TMEM72: variants seen among roughly 807,000 people sequenced by gnomAD.
TMEM72 encodes the protein transmembrane protein 72.
Under a neutral mutation model 16.3 loss-of-function variants are expected in TMEM72, and 9 were observed. The ratio of observed to expected loss-of-function variants is 0.55; its 90% CI spans 0.33 to 0.96. TMEM72 has a LOEUF of 0.96. Ranked by LOEUF, TMEM72 falls within the 40% of genes least tolerant of loss-of-function variation. The pLI is 0.03. For synonymous variants in TMEM72, 160 were observed against 146.5 expected, an observed-to-expected ratio of 1.09 and a Z score of -0.66; for missense variants, 324 against 337.8, an observed-to-expected ratio of 0.96 and a Z score of 0.32.
chr10:44,911,635 G>A (rs954830642), intron 1 of TMEM72, 53 bp downstream of exon 1: 12 of 1,535,464 alleles, frequency 7.8e-6, no homozygotes, highest in Middle Eastern at 1.7e-4. Flanking sequence ...CCACAGATAG[G>A]GCTGCCTGAG....
chr10:44,915,717 G>C (rs10793566), intron 1 of TMEM72, among the ~76,000 whole-genome samples: 110,367 of 151,976 alleles, frequency 0.73, 40,877 homozygotes, highest in African/African-American at 0.83. Flanking sequence ...CACACGTACA[G>C]TGAAGCACAT....
At chr10:44,911,662 G>T in intron 1 of TMEM72, 80 bp downstream of exon 1, 1 of 1,479,536 alleles carries the variant, frequency 6.8e-7, no homozygotes, top group South Asian at 1.2e-5. Flanking sequence ...GAGGTGGCCA[G>T]GAGACAGCAG....
intron 1 of TMEM72, chr10:44,923,329 CT>C (rs1840133286): frequency 6.6e-6 from 1 of 152,066 alleles, no homozygotes; most frequent in Non-Finnish European, 1.5e-5. Flanking sequence ...CTCTCTCTCT[CT>C]CTCTCTCTTT....
intron 2 of TMEM72, 94 bp from the exon 3 acceptor site, chr10:44,931,904 A>C: frequency 1.6e-6 from 2 of 1,252,960 alleles, no homozygotes; most frequent in Non-Finnish European, 2.3e-6. Flanking sequence ...TTGGCTGTAG[A>C]TGTGATGTCA....
intron 3 of TMEM72, among the ~76,000 whole-genome samples, 169 bp downstream of exon 3, chr10:44,932,238 A>G (rs1404835272): frequency 6.6e-6 from 1 of 152,228 alleles, no homozygotes; most frequent in Admixed American, 6.5e-5. Flanking sequence ...GCACAGGCCC[A>G]AGGGGCTCCA....
chr10:44,933,103 G>C (rs1045216663), intron 3 of TMEM72, among the ~76,000 whole-genome samples: 2 of 152,240 alleles, frequency 1.3e-5, no homozygotes, highest in Admixed American at 6.5e-5. Flanking sequence ...TCAGCATCAG[G>C]CTTCTGCCAG....
At chr10:44,934,022 G>A (rs945399002) in intron 4 of TMEM72, among the ~76,000 whole-genome samples, 3 of 152,168 alleles carry the variant, frequency 2.0e-5, no homozygotes, top group South Asian at 4.1e-4. Context: ...AAGTGGAACC[G>A]CAAAGGGGAC....
intron 1 of TMEM72, among the ~76,000 whole-genome samples, chr10:44,922,719 A>G (rs980286947): frequency 6.6e-6 from 1 of 152,198 alleles, no homozygotes; most frequent in African/African-American, 2.4e-5. Context: ...TCCTCTATGA[A>G]GTCTTAAGTT....
At chr10:44,919,969 A>C (rs1840069786) in intron 1 of TMEM72, 1 of 152,182 alleles carries the variant, frequency 6.6e-6, no homozygotes, top group African/African-American at 2.4e-5. Context: ...GCAACTCCAT[A>C]GTCTTGGAAA....
intron 1 of TMEM72, among the ~76,000 whole-genome samples, chr10:44,925,460 G>A (rs572107187): frequency 6.6e-6 from 1 of 152,344 alleles, no homozygotes; most frequent in East Asian, 1.9e-4. Context: ...CTCAATGCAG[G>A]CATCAGCCTG....
In TMEM72 at chr10:44,934,991, G is replaced by T; in HGVS notation, c.685G>T (p.Val229Phe). 6.2e-7 allele frequency: 1 copy of T among 1,614,148 alleles called. No homozygotes were observed. The highest frequency in any genetic ancestry group is 8.5e-7 in the Non-Finnish European group (1 of 1,180,044). ...GCAGGTGCACTTTGAAGACAACTTG[G>T]TCCGCATAGTCCCCTCCCTCGCCGA... ...KKQVHFEDNL[V>F]RIVPSLAEGL... is the part of the protein sequence containing the mutation. Residue 229 changes from valine (V) to phenylalanine (F), a missense_variant, in exon 5 of 5, where the codon GTC (valine) becomes TTC (phenylalanine). Transcript: ENST00000389583.
chr10:44,911,593 G>A lies in TMEM72; in HGVS notation c.70+11G>A, dbSNP rs566773227. On this transcript the variant is annotated intron_variant, in intron 1 of 4. Transcript: ENST00000389583. ...TCACCACTGCTGCAGGTAAGACCCT[G>A]CCTCCTGGCTGCTGATCCTTGCACA... 1.4e-5 allele frequency: 22 copies of A among 1,549,554 alleles called. No individual in the cohort carries two copies. The South Asian group carries it at 2.0e-4, about 14-fold the overall frequency.
intron 2 of TMEM72, among the ~76,000 whole-genome samples, chr10:44,929,468 C>G (rs531279715): frequency 1.2e-4 from 19 of 152,366 alleles, no homozygotes; most frequent in East Asian, 7.7e-4. Context: ...CACTCCCCCC[C>G]CTCCTCAGGA....
intron 3 of TMEM72, 46 bp from the exon 4 acceptor site, chr10:44,933,591 G>A (rs1315070323): frequency 6.3e-7 from 1 of 1,582,838 alleles, no homozygotes; most frequent in Non-Finnish European, 8.6e-7. Flanking sequence ...GTCTTGCTGG[G>A]GTTTTCCTGG....
chr10:44,933,885 T>A (rs1840347975), intron 4 of TMEM72, 109 bp downstream of exon 4: 2 of 1,333,600 alleles, frequency 1.5e-6, no homozygotes, highest in African/African-American at 2.9e-5. Context: ...GGACCTTACC[T>A]GCCCCACTGC....
In TMEM72 at chr10:44,911,583, G is replaced by A; in HGVS notation, c.70+1G>A. The A allele has an allele frequency of 6.5e-7, 1 of 1,550,178 alleles. No individual in the cohort carries two copies. Among genetic ancestry groups the A allele is most frequent in the South Asian group, 1.2e-5 (1 of 84,092 alleles). On this transcript the variant is annotated splice_donor_variant, in intron 1 of 4. Transcript: ENST00000389583. LOFTEE classifies it high-confidence loss of function. ...CTCCTGGGCATCACCACTGCTGCAG[G>A]TAAGACCCTGCCTCCTGGCTGCTGA...
At chr10:44,912,787 G>A (rs555788254) in intron 1 of TMEM72, among the ~76,000 whole-genome samples, 45 of 152,342 alleles carry the variant, frequency 3.0e-4, no homozygotes, top group African/African-American at 1.0e-3. Flanking sequence ...GCACTGGGCT[G>A]GGTTCAGCCG....
intron 1 of TMEM72, among the ~76,000 whole-genome samples, chr10:44,912,458 A>C (rs1052139690): frequency 6.6e-6 from 1 of 152,138 alleles, no homozygotes; most frequent in Non-Finnish European, 1.5e-5. Flanking sequence ...CACACCCCCT[A>C]TCAAAGCCCT....
chr10:44,917,974 G>A (rs1322227546), intron 1 of TMEM72, among the ~76,000 whole-genome samples: 4 of 152,160 alleles, frequency 2.6e-5, no homozygotes, highest in Admixed American at 2.0e-4. Context: ...AAAGAAAGAG[G>A]TTTAATTGGA....
Sources: gnomAD v4.1 joint callset for allele counts (sites outside exome capture counted in the v4.1 genomes callset) on GRCh38, gnomAD v4.1.1 for gene constraint, MANE v1.5 for transcripts, NCBI Gene and HGNC (gene_info 2026-07-23, HGNC 2026-07-21) for gene names.